Variants in RERE observed in about 807,000 individuals in gnomAD.
The protein encoded by RERE is arginine-glutamic acid dipeptide repeats.
RERE carries 40 observed loss-of-function variants against 146.1 expected under a neutral mutation model. The observed-to-expected ratio is 0.27, with a 90% CI of 0.21 to 0.36. The LOEUF (loss-of-function observed/expected upper bound fraction) is 0.36. Ranked by LOEUF, RERE falls within the 10% of genes least tolerant of loss-of-function variation. The pLI, the probability that RERE is intolerant of heterozygous loss-of-function variation, is 1.00. For missense variants in RERE, 1,933 were observed against 2,138.7 expected (o/e 0.90, Z 1.90); for synonymous variants, 1,003 against 866.0 (o/e 1.16, Z -2.78).
At chr1:8,791,412 C>T (rs1489950324) in intron 1 of RERE, among the ~76,000 whole-genome samples, 1 of 152,102 alleles carries the variant, frequency 6.6e-6, no homozygotes, top group Non-Finnish European at 1.5e-5. Context: ...AGGGACACAT[C>T]TTACTCATCT....
chr1:8,483,812 T>C (rs866288142), intron 10 of RERE, among the ~76,000 whole-genome samples: 1 of 152,196 alleles, frequency 6.6e-6, no homozygotes. Flanking sequence ...CAAACAAACA[T>C]GTACTCTCTT....
intron 6 of RERE, among the ~76,000 whole-genome samples, chr1:8,547,213 T>C (rs190194050): frequency 1.1e-4 from 17 of 151,172 alleles, no homozygotes; most frequent in Admixed American, 5.3e-4. Context: ...ACATAGACAA[T>C]AGAACAACAA....
At chr1:8,490,712 G>A (rs1044152103) in intron 10 of RERE, among the ~76,000 whole-genome samples, 2 of 150,012 alleles carry the variant, frequency 1.3e-5, no homozygotes, top group Non-Finnish European at 2.9e-5. Flanking sequence ...GTAACATTCC[G>A]CGAAATGCAA....
At chr1:8,424,056 C>T (rs1643966500) in intron 11 of RERE, 1 of 152,178 alleles carries the variant, frequency 6.6e-6, no homozygotes, top group Non-Finnish European at 1.5e-5. Context: ...GGCTGGGGCC[C>T]TTCCCAGGCT....
intron 11 of RERE, among the ~76,000 whole-genome samples, chr1:8,431,192 C>T (rs574382063): frequency 9.5e-4 from 145 of 152,298 alleles, no homozygotes; most frequent in Non-Finnish European, 1.6e-3. Flanking sequence ...AGGAAGTGAG[C>T]GGCAGGCAAG....
intron 6 of RERE, among the ~76,000 whole-genome samples, chr1:8,547,086 T>A (rs55808331): frequency 0.068 from 7,420 of 109,680 alleles, 250 homozygotes; most frequent in East Asian, 0.13. Context: ...AGCTTTTTTT[T>A]TAAAAAAAAA....
chr1:8,808,354 G>A (rs915601074), intron 1 of RERE, among the ~76,000 whole-genome samples: 2 of 151,984 alleles, frequency 1.3e-5, no homozygotes, highest in African/African-American at 2.4e-5. Flanking sequence ...ACCATCTAGA[G>A]TTCACCCATT....
chr1:8,537,101 G>C (rs939839576), intron 7 of RERE, among the ~76,000 whole-genome samples: 9 of 152,154 alleles, frequency 5.9e-5, no homozygotes, highest in African/African-American at 1.9e-4. Flanking sequence ...CTACTTGGGA[G>C]GATGAGGCAG....
At chr1:8,507,737 C>CTTTTTTTTTTTTTTTTTTTTTTTT (rs58647657) in intron 8 of RERE, among the ~76,000 whole-genome samples, 1 of 85,958 alleles carries the variant, frequency 1.2e-5, no homozygotes. Context: ...CATCTTTTAT[C>CTTTTTTTTTTTTTTTTTTTTTTTT]TTTTTTTTTT....
At chr1:8,366,014 G>A (rs1189100465) in intron 12 of RERE, 40 bp from the exon 13 acceptor site, 2 of 1,597,396 alleles carry the variant, frequency 1.3e-6, no homozygotes, top group Admixed American at 1.7e-5. Context: ...AGGGCCTGGG[G>A]CTTTTCCGTG....
chr1:8,368,941 G>A (rs758841610), intron 12 of RERE, among the ~76,000 whole-genome samples: 7 of 151,684 alleles, frequency 4.6e-5, no homozygotes, highest in Non-Finnish European at 2.9e-5. Flanking sequence ...GGTGTGCACC[G>A]GCAGTCCCAG....
intron 1 of RERE, among the ~76,000 whole-genome samples, chr1:8,667,112 AAAC>A (rs959850901): frequency 5.9e-5 from 9 of 152,158 alleles, no homozygotes; most frequent in Non-Finnish European, 1.3e-4. Flanking sequence ...AGCTTTGGGG[AAAC>A]AACTGAGAGA....
chr1:8,532,444 C>CA (rs1645669505), intron 7 of RERE, among the ~76,000 whole-genome samples: 1 of 151,316 alleles, frequency 6.6e-6, no homozygotes. Context: ...AGGGGGGAGA[C>CA]AGAGTTTCAC....
intron 12 of RERE, among the ~76,000 whole-genome samples, chr1:8,416,443 A>G (rs370069705): frequency 8.5e-4 from 130 of 152,048 alleles, no homozygotes; most frequent in African/African-American, 2.8e-3. Flanking sequence ...AAAATTAGCC[A>G]GGCGTGGTGG....
intron 11 of RERE, chr1:8,465,553 C>T (rs956349420): frequency 1.7e-5 from 6 of 352,260 alleles, no homozygotes; most frequent in Admixed American, 7.6e-5. Context: ...AAAGACAAGT[C>T]ACCAACCCTA....
At chr1:8,358,988 G>A (rs1046830396) in intron 19 of RERE, 72 bp from the exon 20 acceptor site, 114 of 1,474,850 alleles carry the variant, frequency 7.7e-5, no homozygotes, top group Non-Finnish European at 9.8e-5. Context: ...CACTGCGGAG[G>A]TGGGCCTGGT....
chr1:8,726,178 G>A (rs377214661), intron 1 of RERE, among the ~76,000 whole-genome samples: 18 of 119,172 alleles, frequency 1.5e-4, no homozygotes, highest in South Asian at 7.3e-4. Context: ...TTTTTGAGAC[G>A]GAGTCTTGCT....
chr1:8,629,848 C>A (rs1647014425), intron 2 of RERE, among the ~76,000 whole-genome samples: 1 of 152,212 alleles, frequency 6.6e-6, no homozygotes, highest in African/African-American at 2.4e-5. Flanking sequence ...CTTTGCAAAG[C>A]ATGGCAGTGC....
At chr1:8,798,368 A>C in intron 1 of RERE, 1 of 152,110 alleles carries the variant, frequency 6.6e-6, no homozygotes, top group East Asian at 1.9e-4. Flanking sequence ...GCCCCTGCAC[A>C]ACAGCCTGAG....
Sources: gnomAD v4.1 joint callset for allele counts (sites outside exome capture counted in the v4.1 genomes callset) on GRCh38, gnomAD v4.1.1 for gene constraint, MANE v1.5 for transcripts, NCBI Gene and HGNC (gene_info 2026-07-23, HGNC 2026-07-21) for gene names.